Variants in BCAS3 observed in about 807,000 individuals in gnomAD.
BCAS3 encodes BCAS3 microtubule associated cell migration factor, also known as BCAS4/BCAS3 fusion.
BCAS3 carries 53 observed loss-of-function variants against 116.1 expected under a neutral mutation model. The observed-to-expected ratio is 0.46, with a 90% CI of 0.37 to 0.57. The LOEUF is 0.57. BCAS3 is among the 20% of genes least tolerant of loss of function. The pLI, the probability that BCAS3 is intolerant of heterozygous loss-of-function variation, is 0.00. For missense variants in BCAS3, 917 were observed against 1,165.4 expected, an observed-to-expected ratio of 0.79 and a Z score of 3.10; for synonymous variants, 391 against 408.2, an observed-to-expected ratio of 0.96 and a Z score of 0.51.
At chr17:61,303,368 C>T (rs747988588) in intron 22 of BCAS3, among the ~76,000 whole-genome samples, 3 of 152,158 alleles carry the variant, frequency 2.0e-5, no homozygotes, top group Non-Finnish European at 2.9e-5. Context: ...AACTTCTGAA[C>T]GGCCAGAGAA....
intron 7 of BCAS3, among the ~76,000 whole-genome samples, chr17:60,834,261 G>T (rs1172171302): frequency 6.6e-6 from 1 of 151,922 alleles, no homozygotes; most frequent in African/African-American, 2.4e-5. Flanking sequence ...TCTTAATAAA[G>T]ATAAGCAAAA....
chr17:61,252,885 T>TC (rs1393889369), intron 22 of BCAS3, among the ~76,000 whole-genome samples: 1 of 150,788 alleles, frequency 6.6e-6, no homozygotes, highest in African/African-American at 2.4e-5. Context: ...CTATACATTT[T>TC]TTTTTTTTTT....
intron 5 of BCAS3, among the ~76,000 whole-genome samples, chr17:60,726,712 T>C (rs190068959): frequency 9.2e-5 from 14 of 152,048 alleles, no homozygotes; most frequent in Admixed American, 2.6e-4. Flanking sequence ...GGTTTCACCA[T>C]GTTAGCTAGG....
At chr17:61,298,467 T>C (rs1463063292) in intron 22 of BCAS3, among the ~76,000 whole-genome samples, 5 of 152,186 alleles carry the variant, frequency 3.3e-5, no homozygotes, top group Non-Finnish European at 5.9e-5. Context: ...GGACTTTGGC[T>C]CTAGTATGTG....
chr17:61,301,085 G>A (rs976698135), intron 22 of BCAS3, among the ~76,000 whole-genome samples: 1 of 152,192 alleles, frequency 6.6e-6, no homozygotes, highest in Admixed American at 6.5e-5. Context: ...TACTTTCAAA[G>A]TCAAAATGTG....
At chr17:60,859,725 C>T (rs948272280) in intron 7 of BCAS3, among the ~76,000 whole-genome samples, 97 of 152,048 alleles carry the variant, frequency 6.4e-4, no homozygotes, top group African/African-American at 1.9e-3. Flanking sequence ...TGCACGACCA[C>T]GCCCAGCTAA....
At chr17:60,781,767 T>C (rs954268923) in intron 6 of BCAS3, among the ~76,000 whole-genome samples, 1 of 152,202 alleles carries the variant, frequency 6.6e-6, no homozygotes, top group Admixed American at 6.5e-5. Flanking sequence ...TGTATTTCTT[T>C]ACCTATTTTT....
In BCAS3 at chr17:61,224,883, A is replaced by C. The variant is rs1161923236; in HGVS notation, c.2425+140319A>C. Among the ~76,000 whole-genome samples the C allele has an allele frequency of 6.6e-6, 1 of 152,244 alleles. No individual in the cohort carries two copies. The highest frequency in any genetic ancestry group is 6.5e-5 in the Admixed American group (1 of 15,292). ...TAGCCACATGTTGCTAGTGGCTACCATATTGAACTGCACAGATCTAGAACA... is the reference window on the plus strand; with the variant it reads ...TAGCCACATGTTGCTAGTGGCTACCCTATTGAACTGCACAGATCTAGAACA... On this transcript the variant is annotated intron_variant, in intron 22 of 23. Transcript: ENST00000407086. The surrounding 1 kb of genome is among the most constrained non-coding windows in gnomAD (Gnocchi z 5.7).
intron 23 of BCAS3, chr17:61,384,488 T>G (rs1462300262): frequency 6.6e-6 from 1 of 152,294 alleles, no homozygotes; most frequent in Non-Finnish European, 1.5e-5. Context: ...GTGAAGTGAC[T>G]TGCCCAGGTC....
At chr17:60,779,995 T>A (rs2045654826) in intron 6 of BCAS3, among the ~76,000 whole-genome samples, 1 of 151,570 alleles carries the variant, frequency 6.6e-6, no homozygotes, top group Non-Finnish European at 1.5e-5. Context: ...ATTTTTAATT[T>A]TTTTTTTTTT....
intron 6 of BCAS3, among the ~76,000 whole-genome samples, chr17:60,764,743 C>T (rs2043911494): frequency 6.6e-6 from 1 of 152,084 alleles, no homozygotes; most frequent in Non-Finnish European, 1.5e-5. Flanking sequence ...TCAAGTCCTG[C>T]ATATCCTTAT....
chr17:61,234,394 C>CT (rs1052047078), intron 22 of BCAS3, among the ~76,000 whole-genome samples: 1 of 152,196 alleles, frequency 6.6e-6, no homozygotes, highest in African/African-American at 2.4e-5. Flanking sequence ...CTGAAGTACT[C>CT]TGTTTTCCAC....
chr17:60,963,209 A>C (rs1600042055), intron 14 of BCAS3, among the ~76,000 whole-genome samples: 1 of 151,546 alleles, frequency 6.6e-6, no homozygotes, highest in Admixed American at 6.6e-5. Flanking sequence ...TGCTTTGGCT[A>C]TTTGTGGTCT....
At chr17:61,123,753 A>T (rs1220785056) in intron 22 of BCAS3, among the ~76,000 whole-genome samples, 1 of 152,166 alleles carries the variant, frequency 6.6e-6, no homozygotes, top group Admixed American at 6.5e-5. Flanking sequence ...CTCTGCAAAC[A>T]TATTATTAAA....
chr17:61,262,066 A>G (rs1701458584), intron 22 of BCAS3, among the ~76,000 whole-genome samples: 1 of 152,232 alleles, frequency 6.6e-6, no homozygotes. Flanking sequence ...GGAAGAAAAT[A>G]GGACACAGCT....
intron 22 of BCAS3, among the ~76,000 whole-genome samples, chr17:61,197,748 G>A (rs756427564): frequency 3.9e-5 from 6 of 152,122 alleles, no homozygotes; most frequent in African/African-American, 1.2e-4. Context: ...AAAGACCCTC[G>A]GGAGACCTGA....
intron 14 of BCAS3, among the ~76,000 whole-genome samples, chr17:60,975,247 C>T (rs944654607): frequency 6.6e-6 from 1 of 151,452 alleles, no homozygotes; most frequent in Non-Finnish European, 1.5e-5. Context: ...ATGATCCACC[C>T]GCCTCGGCCT....
rs533932850 is a variant in BCAS3, at chr17:61,152,900, T to TA, written c.2425+68339dup. On this transcript the variant is annotated intron_variant, in intron 22 of 23. Transcript: ENST00000407086. Reference sequence around the variant, plus strand: ...TTTCTGTAAGGGAATCCCTTATTGTTAAACTGTTATTTTTGTACTGCCTGA... The same window carrying TA: ...TTTCTGTAAGGGAATCCCTTATTGTTAAAACTGTTATTTTTGTACTGCCTGA... Among the ~76,000 whole-genome samples, 386 of 152,354 alleles carry TA rather than the reference T, an allele frequency of 2.5e-3. 2 individuals carry two copies. Among genetic ancestry groups the TA allele is most frequent in the Non-Finnish European group, 4.4e-3 (301 of 68,026 alleles).
chr17:60,890,834 A>G (rs902935130), intron 10 of BCAS3, among the ~76,000 whole-genome samples: 2 of 152,244 alleles, frequency 1.3e-5, no homozygotes, highest in Non-Finnish European at 2.9e-5. Context: ...ATGAATTAAT[A>G]TGAAATAGTT....
Sources: allele counts gnomAD v4.1 joint callset (sites outside exome capture counted in the v4.1 genomes callset), GRCh38; gene constraint gnomAD v4.1.1; non-coding constraint Gnocchi (gnomAD v3.1); transcripts MANE v1.5; gene names NCBI Gene and HGNC (gene_info 2026-07-23, HGNC 2026-07-21).